ELP4: variants seen among roughly 807,000 people sequenced by gnomAD.
ELP4 encodes the protein elongator acetyltransferase complex subunit 4, also known as elongator complex protein 4.
A neutral mutation model predicts 48.9 loss-of-function variants in ELP4; 51 were observed. That is an observed-to-expected ratio of 1.04 (90% CI 0.83 to 1.32). The LOEUF is 1.32. Among genes scored for constraint, ELP4 ranks in the 40% most tolerant of loss-of-function variants. The probability of loss-of-function intolerance (pLI) is 0.00; values close to 1 mark genes in which losing one functional copy is unlikely to be tolerated. For missense variants in ELP4, 519 were observed against 514.6 expected, an observed-to-expected ratio of 1.01 and a Z score of -0.08; for synonymous variants, 210 against 189.2, an observed-to-expected ratio of 1.11 and a Z score of -0.90.
chr11:31,562,812 C>T (rs933629024), intron 3 of ELP4, among the ~76,000 whole-genome samples: 3 of 152,030 alleles, frequency 2.0e-5, no homozygotes, highest in Non-Finnish European at 4.4e-5. Flanking sequence ...ATCTATACCC[C>T]TTAACCTGAC....
chr11:31,577,818 A>G (rs1957312604), intron 3 of ELP4, among the ~76,000 whole-genome samples: 1 of 152,170 alleles, frequency 6.6e-6, no homozygotes, highest in South Asian at 2.1e-4. Flanking sequence ...GCTATTTATG[A>G]CAAACCCACA....
chr11:31,571,436 C>T (rs929603121), intron 3 of ELP4, among the ~76,000 whole-genome samples: 2 of 152,196 alleles, frequency 1.3e-5, no homozygotes, highest in South Asian at 2.1e-4. Flanking sequence ...TCTGCAGTTA[C>T]TTCCTCCACC....
intron 9 of ELP4, among the ~76,000 whole-genome samples, chr11:31,757,913 C>T (rs768548131): frequency 1.2e-4 from 18 of 152,110 alleles, no homozygotes; most frequent in Non-Finnish European, 1.9e-4. Context: ...TTTCTTCTTA[C>T]AAAATATACT....
chr11:31,597,952 CTT>C (rs58093641), intron 4 of ELP4, among the ~76,000 whole-genome samples: 1 of 96,290 alleles, frequency 1.0e-5, no homozygotes, highest in African/African-American at 3.7e-5. Context: ...AGCCTTTTCT[CTT>C]TTTTTTTTTT....
chr11:31,736,371 C>A (rs1456512176), intron 9 of ELP4, among the ~76,000 whole-genome samples: 2 of 152,074 alleles, frequency 1.3e-5, no homozygotes, highest in Non-Finnish European at 2.9e-5. Context: ...ACCATAAAAA[C>A]CCTAGAAAAA....
At chr11:31,615,851 AT>A (rs1944468475) in intron 5 of ELP4, among the ~76,000 whole-genome samples, 1 of 152,000 alleles carries the variant, frequency 6.6e-6, no homozygotes, top group Non-Finnish European at 1.5e-5. Flanking sequence ...CCATCTAGTC[AT>A]CCCACCCAAT....
At chr11:31,770,543 C>T (rs1592296198) in intron 9 of ELP4, among the ~76,000 whole-genome samples, 1 of 125,254 alleles carries the variant, frequency 8.0e-6, no homozygotes, top group South Asian at 2.6e-4. Flanking sequence ...CATGTTGGAG[C>T]ATTAATGGGA....
intron 9 of ELP4, among the ~76,000 whole-genome samples, chr11:31,743,004 C>G (rs1368431383): frequency 6.6e-6 from 1 of 152,036 alleles, no homozygotes; most frequent in Admixed American, 6.6e-5. Context: ...TTCAGGAAAC[C>G]CATCTCACAT....
At chr11:31,568,433 G>C (rs539745995) in intron 3 of ELP4, among the ~76,000 whole-genome samples, 1 of 152,006 alleles carries the variant, frequency 6.6e-6, no homozygotes, top group South Asian at 2.1e-4. Context: ...ATTAGAAAAC[G>C]TTATTCTGAA....
At chr11:31,636,632 G>C (rs1944982732) in intron 7 of ELP4, among the ~76,000 whole-genome samples, 1 of 151,858 alleles carries the variant, frequency 6.6e-6, no homozygotes, top group Non-Finnish European at 1.5e-5. Flanking sequence ...ATTCAAAACT[G>C]ATTTTAACTT....
At chr11:31,534,393 G>T (rs1257906996) in intron 2 of ELP4, among the ~76,000 whole-genome samples, 1 of 151,652 alleles carries the variant, frequency 6.6e-6, no homozygotes, top group Non-Finnish European at 1.5e-5. Flanking sequence ...TGAGTTACTG[G>T]GTTTCATCTT....
chr11:31,535,790 C>A (rs1956490850), intron 2 of ELP4, among the ~76,000 whole-genome samples: 1 of 152,220 alleles, frequency 6.6e-6, no homozygotes, highest in Non-Finnish European at 1.5e-5. Context: ...TCCTTTCTGT[C>A]ATTAGAGATT....
chr11:31,591,120 G>A (rs1380368358), intron 3 of ELP4, among the ~76,000 whole-genome samples: 1 of 152,032 alleles, frequency 6.6e-6, no homozygotes, highest in African/African-American at 2.4e-5. Flanking sequence ...TTAAAAATGG[G>A]ATAAGGGCCA....
chr11:31,610,403 G>C (rs190519604), intron 5 of ELP4, among the ~76,000 whole-genome samples: 43 of 152,212 alleles, frequency 2.8e-4, no homozygotes, highest in African/African-American at 1.0e-3. Context: ...TACATTTGCA[G>C]GTTTGATACA....
rs77333599 is a variant in ELP4 at position 31,606,276 on chromosome 11, A to G, written c.653+2369A>G. Among the ~76,000 whole-genome samples, 7 of 152,230 alleles carry G rather than the reference A, an allele frequency of 4.6e-5. No individual in the cohort carries two copies. In the East Asian group the frequency reaches 1.4e-3, roughly 29 times the overall value. On this transcript the variant is annotated intron_variant, in intron 5 of 9. Coordinates refer to ENST00000640961, the MANE Select transcript of ELP4 (RefSeq NM_019040.5). ...TACTTTACCATGTGAGATTTATTTT[A>G]ATTTATGAAAAGCATGTGCTCATTT... is the stretch of plus-strand genomic sequence containing the variant.
chr11:31,709,615 TAAAGA>T (rs1262936613), intron 9 of ELP4, among the ~76,000 whole-genome samples: 1 of 152,188 alleles, frequency 6.6e-6, no homozygotes, highest in African/African-American at 2.4e-5. Context: ...TTGTCTGACT[TAAAGA>T]AAGTATCTTA....
At chr11:31,597,948 T>TCC (rs1957702955) in intron 4 of ELP4, among the ~76,000 whole-genome samples, 1 of 129,762 alleles carries the variant, frequency 7.7e-6, no homozygotes, top group Non-Finnish European at 1.7e-5. Context: ...TTTAAGCCTT[T>TCC]TCTCTTTTTT....
chr11:31,714,883 T>G (rs1030298922), intron 9 of ELP4: 2 of 398,112 alleles, frequency 5.0e-6, no homozygotes, highest in African/African-American at 4.1e-5. Flanking sequence ...TAAACCAAGA[T>G]CTTCCTATTT....
At chr11:31,545,337 G>A (rs1032510126) in intron 3 of ELP4, among the ~76,000 whole-genome samples, 3 of 152,210 alleles carry the variant, frequency 2.0e-5, no homozygotes, top group Admixed American at 2.0e-4. Flanking sequence ...TGTGAAGAAT[G>A]CAGAAGCCTC....
Sources: gnomAD v4.1 joint callset for allele counts (sites outside exome capture counted in the v4.1 genomes callset) on GRCh38, gnomAD v4.1.1 for gene constraint, MANE v1.5 for transcripts, NCBI Gene and HGNC (gene_info 2026-07-23, HGNC 2026-07-21) for gene names.